IRF8: variants seen among roughly 807,000 people sequenced by gnomAD.
The protein encoded by IRF8 is interferon consensus sequence binding protein 1.
A neutral mutation model predicts 48.7 loss-of-function variants in IRF8; 14 were observed. That is an observed-to-expected ratio of 0.29 (90% CI 0.19 to 0.45). The LOEUF (loss-of-function observed/expected upper bound fraction) is 0.45, where lower values mean the gene tolerates loss of function less well. IRF8 is among the 20% of genes least tolerant of loss of function. The pLI is 1.00. For synonymous variants in IRF8, 278 were observed against 227.3 expected, an observed-to-expected ratio of 1.22 and a Z score of -2.01; for missense variants, 493 against 580.7, an observed-to-expected ratio of 0.85 and a Z score of 1.55.
chr16:85,901,478 T>G (rs1904824242), intron 1 of IRF8, among the ~76,000 whole-genome samples: 1 of 152,038 alleles, frequency 6.6e-6, no homozygotes, highest in Non-Finnish European at 1.5e-5. Context: ...TATATCTGGG[T>G]GTGGTGGCAT....
chr16:85,904,182 G>A (rs781419515), intron 2 of IRF8, among the ~76,000 whole-genome samples: 28 of 152,204 alleles, frequency 1.8e-4, no homozygotes, highest in Admixed American at 4.6e-4. Flanking sequence ...GACACTACAC[G>A]TAGTCTGAGT....
chr16:85,903,818 T>C (rs1904904621), intron 2 of IRF8, among the ~76,000 whole-genome samples: 1 of 152,216 alleles, frequency 6.6e-6, no homozygotes, highest in Non-Finnish European at 1.5e-5. Context: ...TGGTAGATGC[T>C]GTTCCCACCC....
chr16:85,899,694 T>G (rs1904764781), intron 1 of IRF8, among the ~76,000 whole-genome samples: 1 of 152,208 alleles, frequency 6.6e-6, no homozygotes, highest in Admixed American at 6.5e-5. Flanking sequence ...AAATTCTGTT[T>G]AATGACAGTC....
rs568022305 is a variant in IRF8 at position 85,921,574 on chromosome 16, A to G, written c.*292A>G. 3 of 418,908 alleles carry G rather than the reference A, an allele frequency of 7.2e-6. No individual in the cohort carries two copies. The highest frequency in any genetic ancestry group is 7.0e-5 in the South Asian group (3 of 42,684). 25.9% of individuals were successfully genotyped at this position (418,908 alleles called of 1,614,324 possible). On this transcript the variant is annotated 3_prime_UTR_variant, in exon 9 of 9. Transcript: ENST00000268638. Reference sequence around the variant, plus strand: ...CATTAGTTGCTATGATTCTTTCTGCATTTTCGGTTAACTATCATTTCCAAA... The same window carrying G: ...CATTAGTTGCTATGATTCTTTCTGCGTTTTCGGTTAACTATCATTTCCAAA...
rs1052852134 is a variant in IRF8, at chr16:85,908,032, T to C, written c.175-958T>C. On this transcript the variant is annotated intron_variant, in intron 2 of 8. Coordinates refer to ENST00000268638, the MANE Select transcript of IRF8 (RefSeq NM_002163.4). ...CTTACCTCTTGGAATTGCATTTTCC[T>C]GAAGTGGGTACAGCTGGCATTTAAT... is the stretch of plus-strand genomic sequence containing the variant. Among the ~76,000 whole-genome samples the C allele has an allele frequency of 1.1e-4, 17 of 151,742 alleles. 1 individual carries two copies. The East Asian group carries it at 2.3e-3, about 21-fold the overall frequency.
intron 7 of IRF8, among the ~76,000 whole-genome samples, chr16:85,919,816 G>T (rs1327847131): frequency 1.3e-5 from 2 of 152,240 alleles, no homozygotes; most frequent in Non-Finnish European, 2.9e-5. Flanking sequence ...TGCCTCCAAG[G>T]GCCAGGCAGG....
rs988177284 is a variant in IRF8, at chr16:85,908,907, A to C, written c.175-83A>C. 2.1e-5 allele frequency: 24 copies of C among 1,154,014 alleles called. No homozygotes were observed. In the African/African-American group the frequency reaches 3.5e-4, roughly 17 times the overall value. 71.5% of individuals were successfully genotyped at this position (1,154,014 alleles called of 1,614,324 possible). ...AACAAAGATTCATGGGAAGGGAAGG[A>C]TGTGTGGGGTCCTGGTCATGGTGAC... On this transcript the variant is annotated intron_variant, in intron 2 of 8. Coordinates refer to ENST00000268638, the MANE Select transcript of IRF8 (RefSeq NM_002163.4).
At chr16:85,901,251 GGAA>G (rs1241646678) in intron 1 of IRF8, 1 of 152,164 alleles carries the variant, frequency 6.6e-6, no homozygotes, top group Non-Finnish European at 1.5e-5. Flanking sequence ...TTACAGGTGA[GGAA>G]GCCTCAGGGA....
chr16:85,918,856 A>C (rs1033730458), intron 7 of IRF8, 53 bp downstream of exon 7: 2 of 1,596,150 alleles, frequency 1.3e-6, no homozygotes, highest in Admixed American at 3.3e-5. Context: ...CACGCCTCCT[A>C]TCTGTGTGCC....
chr16:85,921,320 C>T lies in IRF8; in HGVS notation c.*38C>T, dbSNP rs541739196. 264 of 1,596,850 alleles carry T rather than the reference C, an allele frequency of 1.7e-4. No homozygotes were observed. In the South Asian group the frequency reaches 2.7e-3, roughly 16 times the overall value. On this transcript the variant is annotated 3_prime_UTR_variant, in exon 9 of 9. Transcript: ENST00000268638. ...GGCGCCCCACCCCGTCTGCGTCCTGCATCCATCTCCCTGTTACAGTGGCCC... is the reference window on the plus strand; with the variant it reads ...GGCGCCCCACCCCGTCTGCGTCCTGTATCCATCTCCCTGTTACAGTGGCCC...
chr16:85,902,879 T>C (rs1597248863), intron 1 of IRF8, 136 bp from the exon 2 acceptor site: 1 of 878,060 alleles, frequency 1.1e-6, no homozygotes, highest in Non-Finnish European at 1.9e-6. Flanking sequence ...TGTCCCGGAG[T>C]CCCTGAATCT....
chr16:85,911,607 A>G lies in IRF8; in HGVS notation c.396A>G (p.Glu132=). The change falls in exon 4 of 9, where the codon GAA becomes GAG. Residue 132 remains glutamate, a synonymous_variant. Transcript: ENST00000268638. The part of the protein sequence containing the change: ...LGVATAGCVN[E]VTEMECGRSE... Reference sequence around the variant, plus strand: ...TGGCAACTGCTGGCTGCGTGAATGAAGTTACAGAGATGGAGTGCGGTCGCT... The same window carrying G: ...TGGCAACTGCTGGCTGCGTGAATGAGGTTACAGAGATGGAGTGCGGTCGCT... The G allele has an allele frequency of 1.9e-6, 3 of 1,614,140 alleles. No homozygotes were observed. Among genetic ancestry groups the G allele is most frequent in the Non-Finnish European group, 2.5e-6 (3 of 1,179,974 alleles).
At chr16:85,899,669 G>C (rs1442537698) in intron 1 of IRF8, among the ~76,000 whole-genome samples, 2 of 152,156 alleles carry the variant, frequency 1.3e-5, no homozygotes, top group Non-Finnish European at 2.9e-5. Context: ...TGAAGGAGGG[G>C]ACAGACTGCT....
At chr16:85,907,418 G>A (rs1478071281) in intron 2 of IRF8, among the ~76,000 whole-genome samples, 1 of 152,246 alleles carries the variant, frequency 6.6e-6, no homozygotes, top group Non-Finnish European at 1.5e-5. Context: ...GGTGGCTCAC[G>A]CCTGTAAGCC....
intron 2 of IRF8, among the ~76,000 whole-genome samples, chr16:85,906,930 C>A (rs532370727): frequency 6.6e-6 from 1 of 152,224 alleles, no homozygotes; most frequent in South Asian, 2.1e-4. Flanking sequence ...AGGCTTGCCA[C>A]GGTGGGGAAA....
At position 85,921,977 on chromosome 16, in the gene IRF8, T is replaced by G. The variant is rs1263753510; in HGVS notation, c.*695T>G. On this transcript the variant is annotated 3_prime_UTR_variant, in exon 9 of 9. Transcript: ENST00000268638. ...GCCAGGAAGATTAGAACTAAATTTA[T>G]TTTTTTCATTTCTGTCATGAAATCA... 1 of 152,476 alleles carries G rather than the reference T, an allele frequency of 6.6e-6. No homozygotes were observed. Among genetic ancestry groups the G allele is most frequent in the African/African-American group, 2.4e-5 (1 of 41,464 alleles). 9.4% of individuals were successfully genotyped at this position (152,476 alleles called of 1,614,324 possible).
chr16:85,904,247 GC>G (rs1369948494), intron 2 of IRF8, among the ~76,000 whole-genome samples: 2 of 152,152 alleles, frequency 1.3e-5, no homozygotes, highest in East Asian at 3.9e-4. Flanking sequence ...GCATTTGGGG[GC>G]CAGAGATGGG....
At chr16:85,903,411 G>A (rs976731383) in intron 2 of IRF8, 1 of 563,326 alleles carries the variant, frequency 1.8e-6, no homozygotes, top group African/African-American at 1.9e-5. Context: ...CTTGTATTCT[G>A]ATGAGGAGAT....
intron 6 of IRF8, among the ~76,000 whole-genome samples, chr16:85,917,701 T>G (rs1319293794): frequency 6.6e-6 from 1 of 152,224 alleles, no homozygotes; most frequent in Non-Finnish European, 1.5e-5. Flanking sequence ...GTTAGAGAGC[T>G]ATCAGCACCA....
Sources: allele counts gnomAD v4.1 joint callset (sites outside exome capture counted in the v4.1 genomes callset), GRCh38; gene constraint gnomAD v4.1.1; transcripts MANE v1.5; gene names NCBI Gene and HGNC (gene_info 2026-07-23, HGNC 2026-07-21).